Variants in FA2H observed in about 807,000 individuals in gnomAD.
FA2H encodes fatty acid alpha-hydroxylase.
Under a neutral mutation model 44.9 loss-of-function variants are expected in FA2H, and 22 were observed. The ratio of observed to expected loss-of-function variants is 0.49; its 90% CI spans 0.35 to 0.70. The LOEUF is 0.70. Ranked by LOEUF, FA2H falls within the 30% of genes least tolerant of loss-of-function variation. The pLI is 0.01. For missense variants in FA2H, 501 were observed against 504.9 expected, an observed-to-expected ratio of 0.99 and a Z score of 0.07; for synonymous variants, 243 against 213.2, an observed-to-expected ratio of 1.14 and a Z score of -1.22.
intron 1 of FA2H, among the ~76,000 whole-genome samples, chr16:74,757,172 A>G (rs75927120): frequency 0.024 from 3,717 of 152,316 alleles, 154 homozygotes; most frequent in African/African-American, 0.085. Flanking sequence ...AAAGACAACT[A>G]TCAATAGAAA....
In FA2H at chr16:74,735,318, G is replaced by A. The variant is rs563868864; in HGVS notation, c.363+4705C>T. ...TCTTGGTGGCGTTGCCGGAGTGGCT[G>A]CAGGCCCGTCCTGCGCGGTCTAACT... On this transcript the variant is annotated intron_variant, in intron 2 of 6. Transcript: ENST00000219368. Among the ~76,000 whole-genome samples, 3 of 152,276 alleles carry A rather than the reference G, an allele frequency of 2.0e-5. No homozygotes were observed. In the South Asian group the frequency reaches 6.2e-4, roughly 32 times the overall value.
At chr16:74,761,612 T>C (rs927140933) in intron 1 of FA2H, among the ~76,000 whole-genome samples, 31 of 152,210 alleles carry the variant, frequency 2.0e-4, no homozygotes, top group Non-Finnish European at 2.5e-4. Context: ...AAAAATCATG[T>C]AGATATTTAT....
rs551943010 is a variant in FA2H, at chr16:74,715,492, T to C, written c.1039+855A>G. ...TTTTTATGTAGAGACAAGGTCTTGC[T>C]ATGTTTCCCAGACTGGTCTGGAACT... On this transcript the variant is annotated intron_variant, in intron 6 of 6. Transcript: ENST00000219368. 3.3e-5 allele frequency among the ~76,000 whole-genome samples: 5 copies of C among 152,260 alleles called. No homozygotes were observed. In the East Asian group the frequency reaches 9.7e-4, roughly 29 times the overall value.
At chr16:74,739,934 C>T in intron 2 of FA2H, 89 bp downstream of exon 2, 2 of 980,248 alleles carry the variant, frequency 2.0e-6, no homozygotes, top group Non-Finnish European at 3.3e-6. Context: ...ACGTCATGCC[C>T]ACTCCCAGCT....
chr16:74,747,331 TAAGAAAGAAAGA>T (rs10557267), intron 1 of FA2H, among the ~76,000 whole-genome samples: 2 of 150,156 alleles, frequency 1.3e-5, no homozygotes, highest in Admixed American at 6.7e-5. Context: ...AATAAATAAA[TAAGAAAGAAAGA>T]AAGAAAGAAA....
intron 1 of FA2H, among the ~76,000 whole-genome samples, chr16:74,762,342 C>G (rs905318839): frequency 6.6e-5 from 10 of 152,154 alleles, no homozygotes; most frequent in Middle Eastern, 3.2e-3. Context: ...CGTGCCCGGC[C>G]CATACAATTT....
chr16:74,743,829 T>C (rs1305418315), intron 1 of FA2H, among the ~76,000 whole-genome samples: 1 of 152,010 alleles, frequency 6.6e-6, no homozygotes, highest in African/African-American at 2.4e-5. Flanking sequence ...CAGGTTCTTA[T>C]CACAAGATGG....
chr16:74,756,410 AG>A (rs1488405798), intron 1 of FA2H, among the ~76,000 whole-genome samples: 1 of 152,110 alleles, frequency 6.6e-6, no homozygotes, highest in East Asian at 1.9e-4. Context: ...GCCGCTTGCA[AG>A]GGTTTCTCCA....
intron 4 of FA2H, among the ~76,000 whole-genome samples, chr16:74,725,668 G>A (rs1480776373): frequency 6.6e-6 from 1 of 152,176 alleles, no homozygotes; most frequent in East Asian, 1.9e-4. Context: ...AAATGAGGCG[G>A]TCCTGGGAGA....
At chr16:74,733,100 G>A (rs1370127095) in intron 2 of FA2H, among the ~76,000 whole-genome samples, 3 of 152,230 alleles carry the variant, frequency 2.0e-5, no homozygotes, top group Non-Finnish European at 4.4e-5. Flanking sequence ...CCCGAGCTCT[G>A]TATCTAGCCT....
intron 1 of FA2H, among the ~76,000 whole-genome samples, chr16:74,751,720 A>C (rs1008425733): frequency 6.6e-6 from 1 of 152,116 alleles, no homozygotes; most frequent in Non-Finnish European, 1.5e-5. Flanking sequence ...ATTGGGTGCC[A>C]TTATCCCAGA....
At chr16:74,734,826 C>T (rs1423061795) in intron 2 of FA2H, among the ~76,000 whole-genome samples, 2 of 152,260 alleles carry the variant, frequency 1.3e-5, no homozygotes, top group African/African-American at 2.4e-5. Context: ...GGCAGGGTAG[C>T]TGCTCAGTGT....
At chr16:74,762,322 C>T (rs1597570552) in intron 1 of FA2H, among the ~76,000 whole-genome samples, 3 of 152,298 alleles carry the variant, frequency 2.0e-5, no homozygotes, top group Non-Finnish European at 1.5e-5. Context: ...GGATTACAGG[C>T]GTGAGCCACC....
At chr16:74,771,757 T>C (rs995013345) in intron 1 of FA2H, among the ~76,000 whole-genome samples, 2 of 152,080 alleles carry the variant, frequency 1.3e-5, no homozygotes, top group Admixed American at 6.6e-5. Flanking sequence ...GCATATTGTC[T>C]AGAGACTCTC....
intron 1 of FA2H, among the ~76,000 whole-genome samples, chr16:74,747,199 T>C (rs140401320): frequency 6.6e-6 from 1 of 152,050 alleles, no homozygotes; most frequent in African/African-American, 2.4e-5. Context: ...TAATCTCAGC[T>C]ACTTGGGAGG....
chr16:74,750,807 C>A (rs1280224712), intron 1 of FA2H, among the ~76,000 whole-genome samples: 1 of 82,430 alleles, frequency 1.2e-5, no homozygotes, highest in African/African-American at 4.4e-5. Flanking sequence ...GACAGGGTCT[C>A]GCTCTGTCAG....
At chr16:74,731,145 C>A (rs1011747718) in intron 2 of FA2H, among the ~76,000 whole-genome samples, 16 of 151,548 alleles carry the variant, frequency 1.1e-4, no homozygotes, top group Admixed American at 3.3e-4. Context: ...TCTAGTCAGA[C>A]AATCTCTGCC....
intron 1 of FA2H, among the ~76,000 whole-genome samples, chr16:74,761,435 A>G (rs1267251108): frequency 6.6e-6 from 1 of 150,762 alleles, no homozygotes; most frequent in Non-Finnish European, 1.5e-5. Context: ...CCTAGGCAAC[A>G]GAGCAAGACT....
At chr16:74,716,177 C>A (rs1361009612) in intron 6 of FA2H, among the ~76,000 whole-genome samples, 170 bp downstream of exon 6, 2 of 152,102 alleles carry the variant, frequency 1.3e-5, no homozygotes, top group African/African-American at 4.8e-5. Flanking sequence ...TTATTGATGT[C>A]CTTGCCTGTC....
Sources: gnomAD v4.1 joint callset for allele counts (sites outside exome capture counted in the v4.1 genomes callset) on GRCh38, gnomAD v4.1.1 for gene constraint, MANE v1.5 for transcripts, NCBI Gene and HGNC (gene_info 2026-07-23, HGNC 2026-07-21) for gene names.